Variants in DBP observed in about 807,000 individuals in gnomAD.
The protein encoded by DBP is D-box binding PAR bZIP transcription factor.
In DBP, 12 loss-of-function variants were observed where a neutral mutation model predicts 21.4. The observed-to-expected ratio is 0.56, with a 90% CI of 0.36 to 0.91. The LOEUF is 0.91. Ranked by LOEUF, DBP falls within the 40% of genes least tolerant of loss-of-function variation. The probability of loss-of-function intolerance (pLI) is 0.01; values close to 1 mark genes in which losing one functional copy is unlikely to be tolerated. For missense variants in DBP, 423 were observed against 473.4 expected, an observed-to-expected ratio of 0.89 and a Z score of 0.99; for synonymous variants, 213 against 224.9, an observed-to-expected ratio of 0.95 and a Z score of 0.47.
intron 3 of DBP, chr19:48,632,490 C>A (rs1440334260): frequency 6.6e-6 from 1 of 152,178 alleles, no homozygotes; most frequent in African/African-American, 2.4e-5. Flanking sequence ...GTCTCAAACT[C>A]CTGACCTCAA....
At position 48,635,955 on chromosome 19, in the gene DBP, G is replaced by T; in HGVS notation, c.175C>A (p.Pro59Thr). The T allele has an allele frequency of 6.6e-7, 1 of 1,525,970 alleles. No homozygotes were observed. 94.5% of individuals were successfully genotyped at this position (1,525,970 alleles called of 1,614,324 possible). A position where few individuals can be genotyped will look rare whatever the true frequency, so the allele number is the denominator to read the frequency against. Residue 59 changes from proline (P) to threonine (T), a missense_variant, in exon 2 of 4, where the codon CCT becomes ACT. Transcript: ENST00000222122. Reference protein sequence around the residue: ...LKEKERKAALPAATTPGPGLE... With the variant: ...LKEKERKAALTAATTPGPGLE... ...CCTGGCCCAGGGGTTGTGGCTGCAG[G>T]CAGGGCCGCCTTGCGCTCCTTTTCC...
Position 48,630,281 on chromosome 19 carries a change from C to G in DBP, c.*556G>C. Reference sequence around the variant, plus strand: ...GGCGCTAGGATTTGCACTAATGTTCCTCTCCCCGCGGGTGGGGGCGGGGAA... The same window carrying G: ...GGCGCTAGGATTTGCACTAATGTTCGTCTCCCCGCGGGTGGGGGCGGGGAA... On this transcript the variant is annotated 3_prime_UTR_variant, in exon 4 of 4. Transcript: ENST00000222122. This position sits in a 1 kb window ranked among gnomAD's most constrained non-coding sequence, Gnocchi z 4.9. 1 of 1,292,610 alleles carries G rather than the reference C, an allele frequency of 7.7e-7. No individual in the cohort carries two copies. Among genetic ancestry groups the G allele is most frequent in the Non-Finnish European group, 9.8e-7 (1 of 1,021,054 alleles). The allele number at this position is 1,292,610 out of a possible 1,614,324, so 80.1% of individuals were successfully genotyped here. A position where few individuals can be genotyped will look rare whatever the true frequency, so the allele number is the denominator to read the frequency against.
Position 48,637,192 on chromosome 19 carries a change from C to T in DBP, c.-198G>A. 2.1e-6 allele frequency: 1 copy of T among 475,566 alleles called. No individual in the cohort carries two copies. The highest frequency in any genetic ancestry group is 3.7e-6 in the Non-Finnish European group (1 of 271,792). The allele number at this position is 475,566 out of a possible 1,614,324, so 29.5% of individuals were successfully genotyped here. A position where few individuals can be genotyped will look rare whatever the true frequency, so the allele number is the denominator to read the frequency against. ...AGGTCCTCGGTGCAGAAACGTGCAA[C>T]TCAAGAGGGTCCCGGGAGATCATGC... On this transcript the variant is annotated 5_prime_UTR_variant, in exon 1 of 4. Transcript: ENST00000222122.
At position 48,635,663 on chromosome 19, in the gene DBP, G is replaced by C. The variant is rs2030761105; in HGVS notation, c.467C>G (p.Ser156Trp). The C allele has an allele frequency of 1.5e-6, 2 of 1,314,178 alleles. No homozygotes were observed. The highest frequency in any genetic ancestry group is 1.9e-6 in the Non-Finnish European group (2 of 1,038,716). 81.4% of individuals were successfully genotyped at this position (1,314,178 alleles called of 1,614,324 possible). A position where few individuals can be genotyped will look rare whatever the true frequency, so the allele number is the denominator to read the frequency against. ...GGAGCGGGGGGAAGCCGAGCCGCAC[G>C]AACCCGGCCCTGGGGAGGGTGCGGG... ...RTPAPSPGPG[S>W]CGSASPRSSP... The change falls in exon 2 of 4, where the codon TCG (serine) becomes TGG (tryptophan). Residue 156 changes from serine to tryptophan, a missense_variant. Transcript: ENST00000222122.
In DBP at chr19:48,637,164, T is replaced by A; in HGVS notation, c.-170A>T. The A allele has an allele frequency of 1.7e-6, 1 of 577,142 alleles. No homozygotes were observed. Among genetic ancestry groups the A allele is most frequent in the South Asian group, 2.6e-5 (1 of 38,742 alleles). The allele number at this position is 577,142 out of a possible 1,614,324, so 35.8% of individuals were successfully genotyped here. On this transcript the variant is annotated 5_prime_UTR_variant, in exon 1 of 4. Coordinates refer to ENST00000222122, the MANE Select transcript of DBP (RefSeq NM_001352.5). ...TGCAAATCCTAGGAGCGACGGGGATTTGAGGTCCTCGGTGCAGAAACGTGC... is the reference window on the plus strand; with the variant it reads ...TGCAAATCCTAGGAGCGACGGGGATATGAGGTCCTCGGTGCAGAAACGTGC...
Position 48,630,259 on chromosome 19 carries a change from G to A in DBP, c.*578C>T. 7.8e-7 allele frequency: 1 copy of A among 1,282,170 alleles called. No homozygotes were observed. The highest frequency in any genetic ancestry group is 9.9e-7 in the Non-Finnish European group (1 of 1,015,072). The allele number at this position is 1,282,170 out of a possible 1,614,324, so 79.4% of individuals were successfully genotyped here. On this transcript the variant is annotated 3_prime_UTR_variant, in exon 4 of 4. Coordinates refer to ENST00000222122, the MANE Select transcript of DBP (RefSeq NM_001352.5). This position sits in a 1 kb window ranked among gnomAD's most constrained non-coding sequence, Gnocchi z 4.9. ...GAGGGGCAGGTTCCCCGGGGCCGGC[G>A]CTAGGATTTGCACTAATGTTCCTCT...
At chr19:48,635,242 T>TC in intron 2 of DBP, 9 of 1,163,646 alleles carry the variant, frequency 7.7e-6, no homozygotes, top group Non-Finnish European at 8.5e-6. Context: ...GTCAGTCCAC[T>TC]CCCCAGTAAA....
intron 2 of DBP, chr19:48,634,651 G>T: frequency 2.0e-6 from 2 of 980,040 alleles, no homozygotes; most frequent in Non-Finnish European, 2.4e-6. Flanking sequence ...CCCCCCTCGC[G>T]CTTGAAGGCG....
Position 48,630,669 on chromosome 19 carries a change from G to A in DBP, c.*168C>T. 1.4e-6 allele frequency: 2 copies of A among 1,443,900 alleles called. No individual in the cohort carries two copies. Among genetic ancestry groups the A allele is most frequent in the Non-Finnish European group, 1.8e-6 (2 of 1,095,058 alleles). 89.4% of individuals were successfully genotyped at this position (1,443,900 alleles called of 1,614,324 possible). A position where few individuals can be genotyped will look rare whatever the true frequency, so the allele number is the denominator to read the frequency against. On this transcript the variant is annotated 3_prime_UTR_variant, in exon 4 of 4. Coordinates refer to ENST00000222122, the MANE Select transcript of DBP (RefSeq NM_001352.5). This position sits in a 1 kb window ranked among gnomAD's most constrained non-coding sequence, Gnocchi z 4.9. ...GAGAACCCTCCCCGCCCCCGCAAGGGAGGGGGGAGGCTCGCTTTTTCTTAA... is the reference window on the plus strand; with the variant it reads ...GAGAACCCTCCCCGCCCCCGCAAGGAAGGGGGGAGGCTCGCTTTTTCTTAA...
chr19:48,636,947 GC>G lies in DBP; in HGVS notation c.47del (p.Gly16AlafsTer34). The G allele has an allele frequency of 6.4e-7, 1 of 1,561,790 alleles. No individual in the cohort carries two copies. Among genetic ancestry groups the G allele is most frequent in the South Asian group, 1.2e-5 (1 of 85,142 alleles). On this transcript the variant is annotated frameshift_variant, in exon 1 of 4. Transcript: ENST00000222122. LOFTEE classifies it high-confidence loss of function. Reference sequence around the variant, plus strand: ...CGCCAGGGGGTGTCCCGGCCGGGCCGCCCAGCAGCAGAGGGGCCGGGGTCCT... The same window carrying G: ...CGCCAGGGGGTGTCCCGGCCGGGCCGCCAGCAGCAGAGGGGCCGGGGTCCT... Reference protein sequence around the residue: ...SDRTPAPLLLGGPAGTPPGGG... With the variant: ...SDRTPAPLLLXGPAGTPPGGG...
In DBP at chr19:48,630,640, C is replaced by CACAGAGA. The variant is rs1302501407; in HGVS notation, c.*190_*196dup. 15 of 1,486,500 alleles carry CACAGAGA rather than the reference C, an allele frequency of 1.0e-5. No individual in the cohort carries two copies. The highest frequency in any genetic ancestry group is 1.3e-5 in the Non-Finnish European group (15 of 1,121,260). 92.1% of individuals were successfully genotyped at this position (1,486,500 alleles called of 1,614,324 possible). ...GGGTCCCTGACGTGCCGGGGACACA[C>CACAGAGA]ACAGAGAACCCTCCCCGCCCCCGCA... is the stretch of plus-strand genomic sequence containing the variant. On this transcript the variant is annotated 3_prime_UTR_variant, in exon 4 of 4. Transcript: ENST00000222122. The surrounding 1 kb of genome is among the most constrained non-coding windows in gnomAD (Gnocchi z 4.9).
At chr19:48,631,640 C>T (rs1369511798) in intron 3 of DBP, 2 of 152,782 alleles carry the variant, frequency 1.3e-5, no homozygotes, top group Admixed American at 1.3e-4. Flanking sequence ...AGAATAGCCT[C>T]CTCCCCAGTA....
At chr19:48,631,379 A>C in intron 3 of DBP, 1 of 318,578 alleles carries the variant, frequency 3.1e-6, no homozygotes. Flanking sequence ...CAAGGCCTTC[A>C]TGGTCTGAGG....
In DBP at chr19:48,633,438, G is replaced by T; in HGVS notation, c.762+6C>A. The T allele has an allele frequency of 6.2e-7, 1 of 1,613,944 alleles. No homozygotes were observed. On this transcript the variant is annotated splice_donor_region_variant and intron_variant, in intron 3 of 3. Coordinates refer to ENST00000222122, the MANE Select transcript of DBP (RefSeq NM_001352.5). Reference sequence around the variant, plus strand: ...AAGTCTATCTCCCACATCCAGCTCTGCTCACCTTCTGCTCCTCCGGCACCT... The same window carrying T: ...AAGTCTATCTCCCACATCCAGCTCTTCTCACCTTCTGCTCCTCCGGCACCT...
At position 48,635,603 on chromosome 19, in the gene DBP, C is replaced by T. The variant is rs1414224677; in HGVS notation, c.527G>A (p.Gly176Glu). Reference sequence around the variant, plus strand: ...ACCTGCGCGGTGGCCGCTGGCGGTCCCGAGGGCAGCCCGGGCGGGGGCGTG... The same window carrying T: ...ACCTGCGCGGTGGCCGCTGGCGGTCTCGAGGGCAGCCCGGGCGGGGGCGTG... ...PGHAPARAALGTASGHRAGLT... is the reference protein window; with the variant it reads ...PGHAPARAALETASGHRAGLT... The change falls in exon 2 of 4, where the codon GGG becomes GAG. Residue 176 changes from glycine (G) to glutamate (E), a missense_variant. Coordinates refer to ENST00000222122, the MANE Select transcript of DBP (RefSeq NM_001352.5). 7.4e-7 allele frequency: 1 copy of T among 1,354,508 alleles called. No individual in the cohort carries two copies. Among genetic ancestry groups the T allele is most frequent in the South Asian group, 1.8e-5 (1 of 55,596 alleles). 83.9% of individuals were successfully genotyped at this position (1,354,508 alleles called of 1,614,324 possible).
chr19:48,631,283 T>G (rs1262383661), intron 3 of DBP: 3 of 564,700 alleles, frequency 5.3e-6, no homozygotes, highest in Non-Finnish European at 6.3e-6. Flanking sequence ...GTCTCCACTC[T>G]GCAAAGCGGA....
Position 48,636,913 on chromosome 19 carries a change from G to A in DBP, c.82C>T (p.Leu28=). The change falls in exon 1 of 4, where the codon CTG becomes TTG. Residue 28 remains leucine, a synonymous_variant. Transcript: ENST00000222122. ...PAGTPPGGGA[L]LGLRSLLQGT... ...TGCAGAAGGCTCCGCAACCCAAGCA[G>A]CGCTCCCCCGCCAGGGGGTGTCCCG... The A allele has an allele frequency of 6.3e-7, 1 of 1,597,602 alleles. No individual in the cohort carries two copies. The highest frequency in any genetic ancestry group is 8.5e-7 in the Non-Finnish European group (1 of 1,173,120).
intron 2 of DBP, chr19:48,634,710 A>G: frequency 1.0e-6 from 1 of 985,496 alleles, no homozygotes; most frequent in Non-Finnish European, 1.2e-6. Context: ...TGGCGCAGGA[A>G]TGTGCCGCTG....
rs760752026 is a variant in DBP, at chr19:48,635,561, C to T, written c.550+19G>A. 7 of 1,405,854 alleles carry T rather than the reference C, an allele frequency of 5.0e-6. No homozygotes were observed. Among genetic ancestry groups the T allele is most frequent in the South Asian group, 4.4e-5 (3 of 67,528 alleles). 87.1% of individuals were successfully genotyped at this position (1,405,854 alleles called of 1,614,324 possible). A position where few individuals can be genotyped will look rare whatever the true frequency, so the allele number is the denominator to read the frequency against. ...CAAGCCCCGCCCCGTCAGGACCCGC[C>T]CCGCCCCCTTCGCCGCACCTGCGCG... On this transcript the variant is annotated intron_variant, in intron 2 of 3. Transcript: ENST00000222122.
Sources: allele counts gnomAD v4.1 joint callset, GRCh38; gene constraint gnomAD v4.1.1; non-coding constraint Gnocchi (gnomAD v3.1); transcripts MANE v1.5; gene names NCBI Gene and HGNC (gene_info 2026-07-23, HGNC 2026-07-21).